The following BTD variants were observed in gnomAD, a reference collection of about 807,000 sequenced individuals.
BTD encodes biotinidase.
In BTD, 13 loss-of-function variants were observed where a neutral mutation model predicts 17.7. The ratio of observed to expected loss-of-function variants is 0.74; its 90% confidence interval spans 0.48 to 1.17. The LOEUF (loss-of-function observed/expected upper bound fraction) is 1.17, where lower values mean the gene tolerates loss of function less well. Ranked by LOEUF, BTD falls within the 50% of genes most tolerant of loss-of-function variation. The probability of loss-of-function intolerance (pLI) is 0.00; values close to 1 mark genes in which losing one functional copy is unlikely to be tolerated. For synonymous variants in BTD, 240 were observed against 245.2 expected (o/e 0.98, Z 0.20); for missense variants, 674 against 650.4 (o/e 1.04, Z -0.39).
At chr3:15,678,568 G>T (rs1333032405) in intron 3 of BTD, among the ~76,000 whole-genome samples, 2 of 152,054 alleles carry the variant, frequency 1.3e-5, no homozygotes, top group African/African-American at 4.8e-5. Context: ...AATTAAACTA[G>T]AACTAGTATG....
At chr3:15,685,951 A>T in intron 3 of BTD, 1 of 1,368,318 alleles carries the variant, frequency 7.3e-7, no homozygotes, top group Non-Finnish European at 1.0e-6. Flanking sequence ...AGTTCTAGGT[A>T]ATATGAGGTC....
chr3:15,603,700 C>T (rs1258435948), intron 1 of BTD, among the ~76,000 whole-genome samples: 2 of 151,964 alleles, frequency 1.3e-5, no homozygotes, highest in Admixed American at 1.3e-4. Context: ...TAAATAAAAG[C>T]AAGATAGTTA....
intron 1 of BTD, among the ~76,000 whole-genome samples, chr3:15,610,685 A>G (rs1376984926): frequency 2.6e-5 from 4 of 152,180 alleles, no homozygotes; most frequent in African/African-American, 9.7e-5. Flanking sequence ...ATAAGTCTTG[A>G]TGTTGGTAGG....
chr3:15,626,722 A>T (rs1455575431), intron 1 of BTD, among the ~76,000 whole-genome samples: 1 of 147,844 alleles, frequency 6.8e-6, no homozygotes, highest in Non-Finnish European at 1.5e-5. Flanking sequence ...GGCTGCTGTG[A>T]GCTATGTATG....
intron 3 of BTD, chr3:15,675,991 TA>T (rs2066894813): frequency 4.3e-6 from 7 of 1,610,488 alleles, no homozygotes; most frequent in Non-Finnish European, 5.9e-6. Flanking sequence ...TGCAGAGGTC[TA>T]GGGGAAAAAA....
intron 3 of BTD, among the ~76,000 whole-genome samples, chr3:15,691,043 G>A (rs976075722): frequency 1.3e-5 from 2 of 151,904 alleles, no homozygotes; most frequent in Non-Finnish European, 2.9e-5. Context: ...GCATAACCGA[G>A]CCCTGCTTGA....
chr3:15,607,452 A>C (rs1046548395), intron 1 of BTD, among the ~76,000 whole-genome samples: 1 of 152,198 alleles, frequency 6.6e-6, no homozygotes, highest in African/African-American at 2.4e-5. Context: ...ATTTAGTAAG[A>C]ATTGCAAATA....
At chr3:15,628,050 C>A (rs779131723) in intron 1 of BTD, among the ~76,000 whole-genome samples, 2 of 152,228 alleles carry the variant, frequency 1.3e-5, no homozygotes, top group African/African-American at 4.8e-5. Flanking sequence ...ATTTGGGGAA[C>A]AGGGTTCCTT....
chr3:15,635,709 C>A lies in BTD; in HGVS notation c.249+21C>A, dbSNP rs776508751. 4 of 1,613,966 alleles carry A rather than the reference C, an allele frequency of 2.5e-6. No individual in the cohort carries two copies. The highest frequency in any genetic ancestry group is 2.5e-6 in the Non-Finnish European group (3 of 1,179,998). On this transcript the variant is annotated intron_variant, in intron 2 of 3. Transcript: ENST00000643237. This position sits in a 1 kb window ranked among gnomAD's most constrained non-coding sequence, Gnocchi z 4.1. Reference sequence around the variant, plus strand: ...AAAAGGCAAGAATGCTCCTCGGAACCTGAGTTTCTCTCATACAGAGCAGAT... The same window carrying A: ...AAAAGGCAAGAATGCTCCTCGGAACATGAGTTTCTCTCATACAGAGCAGAT...
chr3:15,678,329 T>G, intron 3 of BTD: 1 of 1,608,536 alleles, frequency 6.2e-7, no homozygotes, highest in East Asian at 2.2e-5. Context: ...ACATGGTCTG[T>G]GAAGGCGGCT....
intron 4 of BTD, among the ~76,000 whole-genome samples, chr3:15,719,681 G>C (rs963498353): frequency 6.6e-6 from 1 of 151,868 alleles, no homozygotes; most frequent in Non-Finnish European, 1.5e-5. Context: ...TGATCCTCCA[G>C]CCTCAGCCTC....
At position 15,670,526 on chromosome 3, in the gene BTD, T is replaced by C. The variant is rs772235408; in HGVS notation, c.399+28469T>C. ...AGCCAGGCAATCAGCCACATCCTTA[T>C]TGGGAGCACAGGCCAAAGCTGGGGT... On this transcript the variant is annotated intron_variant, in intron 3 of 3. Coordinates refer to the BTD transcript ENST00000672141. 17 of 1,613,820 alleles carry C rather than the reference T, an allele frequency of 1.1e-5. No homozygotes were observed. Among genetic ancestry groups the C allele is most frequent in the Middle Eastern group, 1.6e-4 (1 of 6,084 alleles).
chr3:15,625,735 T>G (rs1159259609), intron 1 of BTD, among the ~76,000 whole-genome samples: 1 of 152,142 alleles, frequency 6.6e-6, no homozygotes, highest in Non-Finnish European at 1.5e-5. Context: ...TTTTGTATTT[T>G]TAGTAGAGAT....
chr3:15,643,643 T>A (rs968071062), intron 3 of BTD, among the ~76,000 whole-genome samples: 1 of 152,196 alleles, frequency 6.6e-6, no homozygotes, highest in African/African-American at 2.4e-5. Context: ...GGGTCACTTT[T>A]CTTTGTCCTT....
chr3:15,666,515 T>C (rs1211152899), intron 3 of BTD, among the ~76,000 whole-genome samples: 1 of 152,268 alleles, frequency 6.6e-6, no homozygotes, highest in African/African-American at 2.4e-5. Context: ...GCCTGGTACA[T>C]GATAAATGCT....
In BTD at chr3:15,621,275, C is replaced by T. The variant is rs115857432; in HGVS notation, c.-16-14149C>T. ...TTCCTTAATCCATTCAAGTTGACAC[C>T]TAAAATTAATCCTCACAGTAGTTTT... On this transcript the variant is annotated intron_variant, in intron 1 of 3. Coordinates refer to ENST00000643237, the MANE Select transcript of BTD (RefSeq NM_001370658.1). Among the ~76,000 whole-genome samples, 1,002 of 152,300 alleles carry T rather than the reference C, an allele frequency of 6.6e-3. 9 individuals carry two copies. Among genetic ancestry groups the T allele is most frequent in the African/African-American group, 0.023 (951 of 41,560 alleles).
chr3:15,640,230 A>G (rs1429609068), intron 2 of BTD, among the ~76,000 whole-genome samples: 2 of 152,260 alleles, frequency 1.3e-5, no homozygotes, highest in Non-Finnish European at 2.9e-5. Flanking sequence ...GTGTATAATT[A>G]TGCAATAAGT....
intron 3 of BTD, among the ~76,000 whole-genome samples, chr3:15,662,111 T>A (rs2065930978): frequency 6.6e-6 from 1 of 152,240 alleles, no homozygotes; most frequent in African/African-American, 2.4e-5. Context: ...TATTCTTGGC[T>A]TTTGCCTCTC....
Position 15,644,216 on chromosome 3 carries a change from G to A in BTD, c.400-100G>A, listed in dbSNP as rs192488820. ...GGGGTTTCACCGTGTTAGCCAGGGT[G>A]GTCTCAATCTCCTGACCTCATGATC... On this transcript the variant is annotated intron_variant, in intron 3 of 3. Transcript: ENST00000643237. The A allele has an allele frequency of 4.3e-4, 516 of 1,201,384 alleles. 2 individuals carry two copies. In the African/African-American group the frequency reaches 7.2e-3, roughly 17 times the overall value. 74.4% of individuals were successfully genotyped at this position (1,201,384 alleles called of 1,614,324 possible).
Sources: allele counts gnomAD v4.1 joint callset (sites outside exome capture counted in the v4.1 genomes callset), GRCh38; gene constraint gnomAD v4.1.1; non-coding constraint Gnocchi (gnomAD v3.1); transcripts MANE v1.5; gene names NCBI Gene and HGNC (gene_info 2026-07-23, HGNC 2026-07-21).